The following OSBPL3 variants were observed in gnomAD, a reference collection of about 807,000 sequenced individuals.
OSBPL3 encodes the protein oxysterol-binding protein-related protein 3.
OSBPL3 carries 65 observed loss-of-function variants against 120.1 expected under a neutral mutation model. The ratio of observed to expected loss-of-function variants is 0.54; its 90% CI spans 0.44 to 0.67. OSBPL3 has a LOEUF of 0.67. OSBPL3 is among the 30% of genes least tolerant of loss of function. The pLI, the probability that OSBPL3 is intolerant of heterozygous loss-of-function variation, is 0.00. For synonymous variants in OSBPL3, 416 were observed against 402.6 expected (o/e 1.03, Z -0.40); for missense variants, 1,004 against 1,082.1 (o/e 0.93, Z 1.01).
chr7:24,972,082 A>G lies in OSBPL3; in HGVS notation c.-150+7804T>C, dbSNP rs1056962506. ...TCTAGCCAGCAAGTTATTTTAAGCTACATGCAGGGCTATGCTGGAGGACAG... is the reference window on the plus strand; with the variant it reads ...TCTAGCCAGCAAGTTATTTTAAGCTGCATGCAGGGCTATGCTGGAGGACAG... On this transcript the variant is annotated intron_variant, in intron 1 of 22. Coordinates refer to ENST00000313367, the MANE Select transcript of OSBPL3 (RefSeq NM_015550.4). The surrounding 1 kb of genome is among the most constrained non-coding windows in gnomAD (Gnocchi z 4.3). 1.3e-5 allele frequency among the ~76,000 whole-genome samples: 2 copies of G among 152,236 alleles called. No homozygotes were observed. Among genetic ancestry groups the G allele is most frequent in the Non-Finnish European group, 2.9e-5 (2 of 68,036 alleles).
In OSBPL3 at chr7:24,847,527, T is replaced by C. The variant is rs149583424; in HGVS notation, c.1266+1542A>G. Reference sequence around the variant, plus strand: ...CTACTTTTAAGATCAGTTTAAAATATGCATTTTAAATATATAGTTTAAAAA... The same window carrying C: ...CTACTTTTAAGATCAGTTTAAAATACGCATTTTAAATATATAGTTTAAAAA... On this transcript the variant is annotated intron_variant, in intron 12 of 22. Coordinates refer to ENST00000313367, the MANE Select transcript of OSBPL3 (RefSeq NM_015550.4). 8.3e-4 allele frequency among the ~76,000 whole-genome samples: 126 copies of C among 152,366 alleles called. 1 individual carries two copies. Among genetic ancestry groups the C allele is most frequent in the African/African-American group, 2.7e-3 (113 of 41,582 alleles).
rs1027057182 is a variant in OSBPL3 at position 24,881,879 on chromosome 7, C to T, written c.97-9810G>A. Among the ~76,000 whole-genome samples the T allele has an allele frequency of 8.5e-5, 13 of 152,138 alleles. No individual in the cohort carries two copies. The highest frequency in any genetic ancestry group is 3.1e-4 in the African/African-American group (13 of 41,422). The stretch of plus-strand genomic sequence containing the variant: ...TTCCATGGCATGGCTTGGCTTGTAG[C>T]TGCATCACTCCAATCTCTCTCTCCA... On this transcript the variant is annotated intron_variant, in intron 2 of 22. Coordinates refer to ENST00000313367, the MANE Select transcript of OSBPL3 (RefSeq NM_015550.4). This position sits in a 1 kb window ranked among gnomAD's most constrained non-coding sequence, Gnocchi z 4.3.
rs1811620686 is a variant in OSBPL3 at position 24,930,276 on chromosome 7, A to T, written c.-149-37655T>A. The stretch of plus-strand genomic sequence containing the variant: ...GGAAATATGCACTAAAATAAAAAAA[A>T]TGTGCAAATAAAACATCTGGTGTTT... On this transcript the variant is annotated intron_variant, in intron 1 of 22. Coordinates refer to ENST00000313367, the MANE Select transcript of OSBPL3 (RefSeq NM_015550.4). The surrounding 1 kb of genome is among the most constrained non-coding windows in gnomAD (Gnocchi z 4.4). Among the ~76,000 whole-genome samples the T allele has an allele frequency of 6.6e-6, 1 of 152,206 alleles. No individual in the cohort carries two copies. Among genetic ancestry groups the T allele is most frequent in the African/African-American group, 2.4e-5 (1 of 41,462 alleles).
rs1225828780 is a variant in OSBPL3, at chr7:24,873,067, C to T, written c.97-998G>A. Among the ~76,000 whole-genome samples, 2 of 152,048 alleles carry T rather than the reference C, an allele frequency of 1.3e-5. No individual in the cohort carries two copies. The highest frequency in any genetic ancestry group is 4.8e-5 in the African/African-American group (2 of 41,364). ...ATACTCAGTAACTGCCAGCCAAACC[C>T]GACAGAAAACATTTCCAACACAGAG... On this transcript the variant is annotated intron_variant, in intron 2 of 22. Transcript: ENST00000313367. This position sits in a 1 kb window ranked among gnomAD's most constrained non-coding sequence, Gnocchi z 4.1.
intron 1 of OSBPL3, among the ~76,000 whole-genome samples, chr7:24,948,398 T>TA (rs397817257): frequency 3.6e-4 from 55 of 151,584 alleles, no homozygotes; most frequent in Middle Eastern, 3.4e-3. Context: ...ATTTTTTTTT[T>TA]AAAAAGACCC....
At chr7:24,969,817 C>G (rs762058104) in intron 1 of OSBPL3, among the ~76,000 whole-genome samples, 5 of 152,160 alleles carry the variant, frequency 3.3e-5, no homozygotes, top group Admixed American at 6.5e-5. Context: ...ATACTCCCAG[C>G]CTCTGCCCTT....
intron 13 of OSBPL3, among the ~76,000 whole-genome samples, chr7:24,841,694 CAAAAAAAAA>C (rs67988881): frequency 2.5e-4 from 3 of 12,138 alleles, no homozygotes; most frequent in African/African-American, 4.2e-4. Context: ...GACTATGTCT[CAAAAAAAAA>C]AAAAAAAAAA....
In OSBPL3 at chr7:24,955,180, A is replaced by T. The variant is rs994784439; in HGVS notation, c.-150+24706T>A. On this transcript the variant is annotated intron_variant, in intron 1 of 22. Coordinates refer to ENST00000313367, the MANE Select transcript of OSBPL3 (RefSeq NM_015550.4). This position sits in a 1 kb window ranked among gnomAD's most constrained non-coding sequence, Gnocchi z 4.3. ...CTGGCACATAACAGACTTCCAAAAAATTATTTTTGAATTAATAAAGTTATA... is the reference window on the plus strand; with the variant it reads ...CTGGCACATAACAGACTTCCAAAAATTTATTTTTGAATTAATAAAGTTATA... Among the ~76,000 whole-genome samples the T allele has an allele frequency of 6.6e-6, 1 of 152,240 alleles. No homozygotes were observed. The highest frequency in any genetic ancestry group is 2.4e-5 in the African/African-American group (1 of 41,460).
intron 1 of OSBPL3, among the ~76,000 whole-genome samples, chr7:24,941,175 T>C (rs1373822579): frequency 1.3e-5 from 2 of 152,212 alleles, no homozygotes; most frequent in Non-Finnish European, 2.9e-5. Context: ...TTCAGGTAGA[T>C]GACCTTTCAC....
chr7:24,908,102 T>G (rs1808219849), intron 1 of OSBPL3, among the ~76,000 whole-genome samples: 1 of 152,190 alleles, frequency 6.6e-6, no homozygotes, highest in Admixed American at 6.5e-5. Context: ...CATTTCTCTC[T>G]TTTCTCTGAC....
rs1806836916 is a variant in OSBPL3 at position 24,900,568 on chromosome 7, C to T, written c.-149-7947G>A. Reference sequence around the variant, plus strand: ...ATTTTGTCCCACTGCTTAGCTACTCCTTAATCAAGGTATGGCAAGTACCAG... The same window carrying T: ...ATTTTGTCCCACTGCTTAGCTACTCTTTAATCAAGGTATGGCAAGTACCAG... On this transcript the variant is annotated intron_variant, in intron 1 of 22. Coordinates refer to ENST00000313367, the MANE Select transcript of OSBPL3 (RefSeq NM_015550.4). The surrounding 1 kb of genome is among the most constrained non-coding windows in gnomAD (Gnocchi z 4.5). Among the ~76,000 whole-genome samples the T allele has an allele frequency of 6.6e-6, 1 of 152,192 alleles. No homozygotes were observed. Among genetic ancestry groups the T allele is most frequent in the Non-Finnish European group, 1.5e-5 (1 of 68,030 alleles).
intron 1 of OSBPL3, chr7:24,906,323 C>T (rs2128400501): frequency 4.0e-6 from 1 of 248,806 alleles, no homozygotes; most frequent in Non-Finnish European, 8.1e-6. Flanking sequence ...GAGGTGCAGG[C>T]ATCATACCAG....
At chr7:24,934,020 T>C (rs1304558428) in intron 1 of OSBPL3, among the ~76,000 whole-genome samples, 2 of 152,188 alleles carry the variant, frequency 1.3e-5, no homozygotes, top group Admixed American at 6.5e-5. Context: ...AATAGGAATC[T>C]GATAGGAAGT....
In OSBPL3 at chr7:24,938,927, T is replaced by C. The variant is rs553833717; in HGVS notation, c.-150+40959A>G. ...TAATGGGAGGCAACATTATTTGACA[T>C]AGTAAATGATGTGATTAATTAAGAT... On this transcript the variant is annotated intron_variant, in intron 1 of 22. Transcript: ENST00000313367. This position sits in a 1 kb window ranked among gnomAD's most constrained non-coding sequence, Gnocchi z 5.8. Among the ~76,000 whole-genome samples the C allele has an allele frequency of 2.0e-5, 3 of 151,038 alleles. No homozygotes were observed. Among genetic ancestry groups the C allele is most frequent in the African/African-American group, 7.3e-5 (3 of 41,160 alleles).
At chr7:24,838,458 T>C (rs1797285122) in intron 14 of OSBPL3, among the ~76,000 whole-genome samples, 1 of 152,198 alleles carries the variant, frequency 6.6e-6, no homozygotes, top group Non-Finnish European at 1.5e-5. Context: ...ATCGCACCAC[T>C]GCACTCCAGC....
intron 1 of OSBPL3, among the ~76,000 whole-genome samples, chr7:24,925,723 T>C (rs1354870563): frequency 6.6e-6 from 1 of 152,206 alleles, no homozygotes; most frequent in African/African-American, 2.4e-5. Context: ...CTGAATTGTA[T>C]ACAAGAGAAA....
At position 24,909,131 on chromosome 7, in the gene OSBPL3, C is replaced by T. The variant is rs780999521; in HGVS notation, c.-149-16510G>A. Among the ~76,000 whole-genome samples the T allele has an allele frequency of 2.6e-5, 4 of 152,164 alleles. No individual in the cohort carries two copies. In the South Asian group the frequency reaches 6.2e-4, roughly 24 times the overall value. On this transcript the variant is annotated intron_variant, in intron 1 of 22. Coordinates refer to ENST00000313367, the MANE Select transcript of OSBPL3 (RefSeq NM_015550.4). ...GAGTGTTTTTACCCAAACCAGTGAA[C>T]GGGGTGATAACTGATAGATCTGATA...
At chr7:24,868,265 C>T (rs762913359) in intron 5 of OSBPL3, among the ~76,000 whole-genome samples, 1 of 146,592 alleles carries the variant, frequency 6.8e-6, no homozygotes, top group Non-Finnish European at 1.5e-5. Context: ...TGCAATAAGC[C>T]GAGATCACAC....
Position 24,802,338 on chromosome 7 carries a change from A to G in OSBPL3, c.2567+1977T>C, listed in dbSNP as rs1792462155. On this transcript the variant is annotated intron_variant, in intron 22 of 22. Transcript: ENST00000313367. This position sits in a 1 kb window ranked among gnomAD's most constrained non-coding sequence, Gnocchi z 4.1. The stretch of plus-strand genomic sequence containing the variant: ...TCCAAAATCTCTTTGCCAGGTTTCT[A>G]ATTTGAACAGTCCCAAGGAGGACTG... Among the ~76,000 whole-genome samples, 1 of 152,194 alleles carries G rather than the reference A, an allele frequency of 6.6e-6. No homozygotes were observed. The highest frequency in any genetic ancestry group is 1.5e-5 in the Non-Finnish European group (1 of 68,036).
Sources: gnomAD v4.1 joint callset for allele counts (sites outside exome capture counted in the v4.1 genomes callset) on GRCh38, gnomAD v4.1.1 for gene constraint, Gnocchi (gnomAD v3.1) non-coding constraint, MANE v1.5 for transcripts, NCBI Gene and HGNC (gene_info 2026-07-23, HGNC 2026-07-21) for gene names.